The following PARD3 variants were observed in gnomAD, a reference collection of about 807,000 sequenced individuals.
The protein encoded by PARD3 is par-3 family cell polarity regulator, also known as partitioning defective 3 homolog.
PARD3 carries 75 observed loss-of-function variants against 155.4 expected under a neutral mutation model. The ratio of observed to expected loss-of-function variants is 0.48; its 90% CI spans 0.40 to 0.58. PARD3 has a LOEUF of 0.58. Among genes scored for constraint, PARD3 ranks in the 20% least tolerant of loss-of-function variants. The pLI, the probability that PARD3 is intolerant of heterozygous loss-of-function variation, is 0.00. For synonymous variants in PARD3, 576 were observed against 610.5 expected, an observed-to-expected ratio of 0.94 and a Z score of 0.83; for missense variants, 1,642 against 1,721.7, an observed-to-expected ratio of 0.95 and a Z score of 0.82.
intron 1 of PARD3, among the ~76,000 whole-genome samples, chr10:34,707,283 G>C (rs2094379931): frequency 6.6e-6 from 1 of 151,762 alleles, no homozygotes. Flanking sequence ...AGTGTTGGCT[G>C]TTAAAACCAA....
rs116137561 is a variant in PARD3 at position 34,553,970 on chromosome 10, A to G, written c.223-36811T>C. On this transcript the variant is annotated intron_variant, in intron 2 of 24. Coordinates refer to ENST00000374788, the MANE Select transcript of PARD3 (RefSeq NM_001184785.2). ...GTGATGCATTTAATGCACAAATGCC[A>G]GCAATTCCAGGCCAGGATACAAAAA... Among the ~76,000 whole-genome samples the G allele has an allele frequency of 7.5e-3, 1,145 of 152,348 alleles. 15 individuals carry two copies. The highest frequency in any genetic ancestry group is 0.026 in the African/African-American group (1,091 of 41,586).
chr10:34,493,871 C>T (rs1417388764), intron 3 of PARD3, among the ~76,000 whole-genome samples: 1 of 152,164 alleles, frequency 6.6e-6, no homozygotes, highest in East Asian at 1.9e-4. Flanking sequence ...ACACATGATG[C>T]ACCTTCTCCA....
intron 22 of PARD3, among the ~76,000 whole-genome samples, chr10:34,178,495 T>A (rs541321668): frequency 6.6e-6 from 1 of 152,334 alleles, no homozygotes; most frequent in Non-Finnish European, 1.5e-5. Flanking sequence ...AGGGACAGCA[T>A]GTTTCACAAA....
intron 19 of PARD3, among the ~76,000 whole-genome samples, chr10:34,330,139 A>G (rs902116123): frequency 6.6e-6 from 1 of 152,154 alleles, no homozygotes; most frequent in African/African-American, 2.4e-5. Context: ...GTTGAGTCAC[A>G]TTTGAGGTTA....
At position 34,781,982 on chromosome 10, in the gene PARD3, G is replaced by A. The variant is rs193062003; in HGVS notation, c.120+32894C>T. The stretch of plus-strand genomic sequence containing the variant: ...TCACAGTACATAAACATTCTGAAAG[G>A]TAGTACCTAAATCTGGCACCTACTG... On this transcript the variant is annotated intron_variant, in intron 1 of 24. Coordinates refer to ENST00000374788, the MANE Select transcript of PARD3 (RefSeq NM_001184785.2). Among the ~76,000 whole-genome samples, 582 of 152,308 alleles carry A rather than the reference G, an allele frequency of 3.8e-3. 2 individuals are homozygous for A. Among genetic ancestry groups the A allele is most frequent in the Non-Finnish European group, 6.5e-3 (442 of 68,028 alleles).
intron 2 of PARD3, among the ~76,000 whole-genome samples, chr10:34,657,398 A>T (rs953998392): frequency 6.6e-6 from 1 of 152,224 alleles, no homozygotes; most frequent in Non-Finnish European, 1.5e-5. Flanking sequence ...TGTCCAAAAA[A>T]AAAGTCTACT....
intron 1 of PARD3, among the ~76,000 whole-genome samples, chr10:34,753,657 G>A (rs985213179): frequency 3.9e-5 from 6 of 152,218 alleles, no homozygotes; most frequent in Non-Finnish European, 7.3e-5. Flanking sequence ...TGGAGGGCAT[G>A]GCAGAGGGTT....
chr10:34,456,544 C>T (rs1168445382), intron 4 of PARD3, among the ~76,000 whole-genome samples: 3 of 152,152 alleles, frequency 2.0e-5, no homozygotes, highest in South Asian at 4.1e-4. Flanking sequence ...GCGATCCGCT[C>T]ACCTCGGCCT....
At chr10:34,189,799 G>A (rs1324617899) in intron 22 of PARD3, among the ~76,000 whole-genome samples, 1 of 152,068 alleles carries the variant, frequency 6.6e-6, no homozygotes, top group Non-Finnish European at 1.5e-5. Context: ...CATTTAAAAA[G>A]CCATTTTCTT....
intron 22 of PARD3, among the ~76,000 whole-genome samples, chr10:34,183,828 C>A (rs1413807362): frequency 6.6e-6 from 1 of 152,172 alleles, no homozygotes; most frequent in Non-Finnish European, 1.5e-5. Flanking sequence ...TTAAACTTTG[C>A]CCTCCTTAAA....
chr10:34,719,586 A>T (rs1297538670), intron 1 of PARD3, among the ~76,000 whole-genome samples: 1 of 152,180 alleles, frequency 6.6e-6, no homozygotes, highest in African/African-American at 2.4e-5. Context: ...GTATGCATGC[A>T]AGAGAAACCA....
At chr10:34,254,478 G>A (rs1474091791) in intron 22 of PARD3, among the ~76,000 whole-genome samples, 8 of 152,052 alleles carry the variant, frequency 5.3e-5, no homozygotes, top group Non-Finnish European at 8.8e-5. Context: ...CATTGTAATT[G>A]TGTAATCAAC....
At chr10:34,243,309 C>A (rs1953726172) in intron 22 of PARD3, among the ~76,000 whole-genome samples, 1 of 152,172 alleles carries the variant, frequency 6.6e-6, no homozygotes, top group South Asian at 2.1e-4. Flanking sequence ...AGATGCAAAT[C>A]ATCCTTATGC....
At chr10:34,696,509 T>TA in intron 1 of PARD3, 90 bp from the exon 2 acceptor site, 1 of 805,830 alleles carries the variant, frequency 1.2e-6, no homozygotes, top group Non-Finnish European at 2.1e-6. Flanking sequence ...TTCCTGCCCA[T>TA]AAAAAGGAAT....
At chr10:34,687,297 G>A (rs2093967903) in intron 2 of PARD3, among the ~76,000 whole-genome samples, 1 of 152,104 alleles carries the variant, frequency 6.6e-6, no homozygotes, top group South Asian at 2.1e-4. Context: ...GCTGGGGAAG[G>A]ATGGAAATGT....
At chr10:34,564,876 C>G (rs980420927) in intron 2 of PARD3, among the ~76,000 whole-genome samples, 5 of 152,232 alleles carry the variant, frequency 3.3e-5, no homozygotes, top group Admixed American at 3.3e-4. Context: ...AACACATCTC[C>G]AATGTTCATG....
intron 5 of PARD3, among the ~76,000 whole-genome samples, chr10:34,413,494 A>T (rs1459784220): frequency 1.3e-5 from 2 of 149,406 alleles, no homozygotes; most frequent in Non-Finnish European, 3.0e-5. Flanking sequence ...TGACTACCAG[A>T]TACTATTTCC....
intron 23 of PARD3, among the ~76,000 whole-genome samples, chr10:34,123,291 T>G (rs1363027265): frequency 7.1e-6 from 1 of 140,890 alleles, no homozygotes; most frequent in Non-Finnish European, 1.6e-5. Context: ...GTGAAAAATA[T>G]GTATTTTTTT....
At chr10:34,171,445 C>CA (rs1949787279) in intron 22 of PARD3, among the ~76,000 whole-genome samples, 1 of 152,048 alleles carries the variant, frequency 6.6e-6, no homozygotes, top group African/African-American at 2.4e-5. Context: ...AAAAATTCCA[C>CA]AAAGTGATAT....
Sources: gnomAD v4.1 joint callset for allele counts (sites outside exome capture counted in the v4.1 genomes callset) on GRCh38, gnomAD v4.1.1 for gene constraint, MANE v1.5 for transcripts, NCBI Gene and HGNC (gene_info 2026-07-23, HGNC 2026-07-21) for gene names.